The following IGSF3 variants were observed in gnomAD, a reference collection of about 807,000 sequenced individuals.
IGSF3 encodes the protein immunoglobulin superfamily member 3.
IGSF3 carries 23 observed loss-of-function variants against 114.4 expected under a neutral mutation model. The observed-to-expected ratio is 0.20, with a 90% CI of 0.14 to 0.28. The LOEUF is 0.28. Ranked by LOEUF, IGSF3 falls within the 10% of genes least tolerant of loss-of-function variation. The pLI is 1.00. For missense variants in IGSF3, 1,172 were observed against 1,591.5 expected, an observed-to-expected ratio of 0.74 and a Z score of 4.48; for synonymous variants, 571 against 645.2, an observed-to-expected ratio of 0.88 and a Z score of 1.74.
chr1:116,607,641 G>A lies in IGSF3; in HGVS notation c.1222+301C>T, dbSNP rs1660839836. Among the ~76,000 whole-genome samples the A allele has an allele frequency of 1.3e-5, 2 of 152,180 alleles. No individual in the cohort carries two copies. Among genetic ancestry groups the A allele is most frequent in the Non-Finnish European group, 2.9e-5 (2 of 68,024 alleles). On this transcript the variant is annotated intron_variant, in intron 5 of 10. Coordinates refer to ENST00000369486, the MANE Select transcript of IGSF3 (RefSeq NM_001007237.3). The surrounding 1 kb of genome is among the most constrained non-coding windows in gnomAD (Gnocchi z 6.1). ...GGGATTCCTGGTTTCCCTCCAAGCT[G>A]AGCTGGCACTGCTTGTGTATGCACA...
chr1:116,608,764 C>T (rs1048165567), intron 4 of IGSF3, among the ~76,000 whole-genome samples: 1 of 152,090 alleles, frequency 6.6e-6, no homozygotes. Flanking sequence ...GTAAGACTTA[C>T]CCCACTGAGG....
intron 1 of IGSF3, among the ~76,000 whole-genome samples, chr1:116,667,216 C>A (rs773201304): frequency 3.9e-5 from 6 of 152,320 alleles, no homozygotes; most frequent in Admixed American, 1.3e-4. Flanking sequence ...CACCTCCTAC[C>A]GAGCCCGGGC....
chr1:116,606,418 G>A lies in IGSF3; in HGVS notation c.1222+1524C>T, dbSNP rs564657875. ...GCAGAAGCACTTTGGTCTCTTAGGA[G>A]GAAAAGCGCCATTAAAATCCAAGGC... On this transcript the variant is annotated intron_variant, in intron 5 of 10. Coordinates refer to ENST00000369486, the MANE Select transcript of IGSF3 (RefSeq NM_001007237.3). 9.6e-4 allele frequency: 1,546 copies of A among 1,606,732 alleles called. 1 individual carries two copies. Among genetic ancestry groups the A allele is most frequent in the Non-Finnish European group, 1.2e-3 (1,434 of 1,176,206 alleles).
At position 116,577,440 on chromosome 1, in the gene IGSF3, T is replaced by G; in HGVS notation, c.3457A>C (p.Asn1153His). 6.2e-7 allele frequency: 1 copy of G among 1,614,188 alleles called. No homozygotes were observed. Among genetic ancestry groups the G allele is most frequent in the Non-Finnish European group, 8.5e-7 (1 of 1,180,042 alleles). ...TILLVRFKSR[N>H]SSKNSDGKNG... ...TTCCCATCAGAGTTCTTGCTGGAGT[T>G]CCGGCTCTTGAAACGCACCAGAAGG... Residue 1153 changes from asparagine to histidine, a missense_variant, in exon 11 of 11, where the codon AAC becomes CAC. By Grantham distance (68) the Asn-to-His change is moderately conservative. Coordinates refer to ENST00000369486, the MANE Select transcript of IGSF3 (RefSeq NM_001007237.3). This position sits in a 1 kb window ranked among gnomAD's most constrained non-coding sequence, Gnocchi z 5.7.
rs1189607796 is a variant in IGSF3 at position 116,632,993 on chromosome 1, T to C, written c.44-16536A>G. On this transcript the variant is annotated intron_variant, in intron 2 of 10. Coordinates refer to ENST00000369486, the MANE Select transcript of IGSF3 (RefSeq NM_001007237.3). This position sits in a 1 kb window ranked among gnomAD's most constrained non-coding sequence, Gnocchi z 5.1. ...CTATCCTGCCAGGCTCATTGTAAAG[T>C]GACGAATTTTGTGGACACTTACAGA... is the stretch of plus-strand genomic sequence containing the variant. Among the ~76,000 whole-genome samples, 1 of 152,232 alleles carries C rather than the reference T, an allele frequency of 6.6e-6. No homozygotes were observed. The highest frequency in any genetic ancestry group is 1.5e-5 in the Non-Finnish European group (1 of 68,036).
rs56102848 is a variant in IGSF3, at chr1:116,662,611, A to C, written c.43+3673T>G. ...AGCCCTGGGTACCTGGAGGTAGCTC[A>C]ATGATTCTCACAGCTGAAAGGCATC... On this transcript the variant is annotated intron_variant, in intron 2 of 10. Coordinates refer to ENST00000369486, the MANE Select transcript of IGSF3 (RefSeq NM_001007237.3). The surrounding 1 kb of genome is among the most constrained non-coding windows in gnomAD (Gnocchi z 4.3). Among the ~76,000 whole-genome samples the C allele has an allele frequency of 0.03, 4,572 of 152,204 alleles. 90 individuals carry two copies. The highest frequency in any genetic ancestry group is 0.064 in the African/African-American group (2,641 of 41,492).
At chr1:116,631,342 G>T (rs1255217559) in intron 2 of IGSF3, among the ~76,000 whole-genome samples, 6 of 135,522 alleles carry the variant, frequency 4.4e-5, no homozygotes, top group East Asian at 2.1e-4. Context: ...AAAAAAAAAA[G>T]AGCATGGGCT....
Position 116,629,668 on chromosome 1 carries a change from C to A in IGSF3, c.44-13211G>T, listed in dbSNP as rs1647468995. Among the ~76,000 whole-genome samples, 1 of 152,198 alleles carries A rather than the reference C, an allele frequency of 6.6e-6. No homozygotes were observed. Among genetic ancestry groups the A allele is most frequent in the Admixed American group, 6.5e-5 (1 of 15,282 alleles). ...GCTGGAGCCAGCCTGGTCAGGTCAA[C>A]TTTGCAGGTGTGTGAAGTGTCAAAT... On this transcript the variant is annotated intron_variant, in intron 2 of 10. Coordinates refer to ENST00000369486, the MANE Select transcript of IGSF3 (RefSeq NM_001007237.3). The surrounding 1 kb of genome is among the most constrained non-coding windows in gnomAD (Gnocchi z 4.3).
chr1:116,626,445 G>A (rs931916207), intron 2 of IGSF3, among the ~76,000 whole-genome samples: 9 of 151,946 alleles, frequency 5.9e-5, no homozygotes, highest in African/African-American at 2.2e-4. Context: ...TCCATCATAG[G>A]ATTACACCAC....
In IGSF3 at chr1:116,666,463, T is replaced by A; in HGVS notation, c.-137A>T. The A allele has an allele frequency of 1.2e-6, 1 of 811,792 alleles. No homozygotes were observed. Among genetic ancestry groups the A allele is most frequent in the Non-Finnish European group, 2.1e-6 (1 of 477,336 alleles). The allele number at this position is 811,792 out of a possible 1,614,324, so 50.3% of individuals were successfully genotyped here. A position where few individuals can be genotyped will look rare whatever the true frequency, so the allele number is the denominator to read the frequency against. The stretch of plus-strand genomic sequence containing the variant: ...CTTAACTCGGAAAATGGGAACAGAT[T>A]AAAAAGAAGAGATCAGAAGGAGGGA... On this transcript the variant is annotated 5_prime_UTR_variant, in exon 2 of 11. Transcript: ENST00000369486.
intron 2 of IGSF3, among the ~76,000 whole-genome samples, chr1:116,658,917 G>A (rs1648995242): frequency 6.6e-6 from 1 of 152,326 alleles, no homozygotes; most frequent in African/African-American, 2.4e-5. Context: ...CTCCTAGAGG[G>A]CAGGGACGGG....
intron 2 of IGSF3, among the ~76,000 whole-genome samples, chr1:116,622,600 C>G (rs1661459220): frequency 6.6e-6 from 1 of 152,124 alleles, no homozygotes; most frequent in South Asian, 2.1e-4. Context: ...TCTATTATCT[C>G]CTTTTTTTAA....
chr1:116,582,437 C>T lies in IGSF3; in HGVS notation c.2848+2208G>A, dbSNP rs987082091. ...GTGTGAGCCCAACACAACTACTAAT[C>T]GACTCATCTGCAATCTTAGTGAGGA... On this transcript the variant is annotated intron_variant, in intron 9 of 10. Transcript: ENST00000369486. The surrounding 1 kb of genome is among the most constrained non-coding windows in gnomAD (Gnocchi z 4.7). 5.9e-5 allele frequency among the ~76,000 whole-genome samples: 9 copies of T among 152,230 alleles called. No homozygotes were observed. The highest frequency in any genetic ancestry group is 2.1e-4 in the South Asian group (1 of 4,834).
intron 2 of IGSF3, among the ~76,000 whole-genome samples, chr1:116,630,258 G>A (rs532150156): frequency 1.1e-4 from 17 of 152,286 alleles, no homozygotes; most frequent in African/African-American, 4.1e-4. Flanking sequence ...CCTAATTAGG[G>A]GCAAGATCAG....
At chr1:116,586,846 C>T (rs933719580) in intron 8 of IGSF3, among the ~76,000 whole-genome samples, 1 of 151,924 alleles carries the variant, frequency 6.6e-6, no homozygotes, top group Non-Finnish European at 1.5e-5. Context: ...CACTGGTGGG[C>T]CTAATGACAA....
At position 116,595,546 on chromosome 1, in the gene IGSF3, T is replaced by G. The variant is rs1660307695; in HGVS notation, c.2029+4395A>C. Among the ~76,000 whole-genome samples the G allele has an allele frequency of 6.6e-6, 1 of 152,160 alleles. No individual in the cohort carries two copies. Among genetic ancestry groups the G allele is most frequent in the African/African-American group, 2.4e-5 (1 of 41,440 alleles). ...CAATAAGAAATAGAAGAAAACCGATTTGGCAACATCCAGAGGGTATTAAAT... is the reference window on the plus strand; with the variant it reads ...CAATAAGAAATAGAAGAAAACCGATGTGGCAACATCCAGAGGGTATTAAAT... On this transcript the variant is annotated intron_variant, in intron 7 of 10. Transcript: ENST00000369486. The surrounding 1 kb of genome is among the most constrained non-coding windows in gnomAD (Gnocchi z 4.2).
In IGSF3 at chr1:116,584,025, C is replaced by T. The variant is rs747120129; in HGVS notation, c.2848+620G>A. The stretch of plus-strand genomic sequence containing the variant: ...CCAACATGATGAAACCCCGTCTCTA[C>T]TAAAAATACACAAATTAGCCGGGTG... On this transcript the variant is annotated intron_variant, in intron 9 of 10. Transcript: ENST00000369486. This position sits in a 1 kb window ranked among gnomAD's most constrained non-coding sequence, Gnocchi z 5.8. 2.0e-5 allele frequency among the ~76,000 whole-genome samples: 3 copies of T among 152,052 alleles called. No individual in the cohort carries two copies. Among genetic ancestry groups the T allele is most frequent in the Admixed American group, 1.3e-4 (2 of 15,260 alleles).
At chr1:116,656,823 G>A (rs1648877245) in intron 2 of IGSF3, among the ~76,000 whole-genome samples, 1 of 152,044 alleles carries the variant, frequency 6.6e-6, no homozygotes, top group Non-Finnish European at 1.5e-5. Flanking sequence ...AGCTACTCGG[G>A]AGGCTAAGGC....
rs1229470817 is a variant in IGSF3 at position 116,593,009 on chromosome 1, C to G, written c.2030-3905G>C. On this transcript the variant is annotated intron_variant, in intron 7 of 10. Transcript: ENST00000369486. This position sits in a 1 kb window ranked among gnomAD's most constrained non-coding sequence, Gnocchi z 4.5. ...GGGGACAAGAGGAAAAAGATGACAA[C>G]TACCCTGTGCACTCTATTCAAGGAG... Among the ~76,000 whole-genome samples the G allele has an allele frequency of 6.6e-6, 1 of 152,210 alleles. No homozygotes were observed. The highest frequency in any genetic ancestry group is 2.4e-5 in the African/African-American group (1 of 41,454).
Sources: gnomAD v4.1 joint callset for allele counts (sites outside exome capture counted in the v4.1 genomes callset) on GRCh38, gnomAD v4.1.1 for gene constraint, Gnocchi (gnomAD v3.1) non-coding constraint, MANE v1.5 for transcripts, NCBI Gene and HGNC (gene_info 2026-07-23, HGNC 2026-07-21) for gene names.